STK32B: variants seen among roughly 807,000 people sequenced by gnomAD.
STK32B encodes serine/threonine kinase 32B.
STK32B carries 43 observed loss-of-function variants against 52.6 expected under a neutral mutation model. The ratio of observed to expected loss-of-function variants is 0.82; its 90% CI spans 0.64 to 1.05. STK32B has a LOEUF of 1.05. STK32B is among the 50% of genes least tolerant of loss of function. STK32B has a pLI of 0.00. For missense variants in STK32B, 621 were observed against 534.6 expected, an observed-to-expected ratio of 1.16 and a Z score of -1.59; for synonymous variants, 238 against 204.3, an observed-to-expected ratio of 1.17 and a Z score of -1.41.
At position 5,107,896 on chromosome 4, in the gene STK32B, T is replaced by C. The variant is rs182112798; in HGVS notation, c.53-32009T>C. ...TGCCATCTTATTTTTTATATAAATG[T>C]TTATTAAAACGTAGCAAACACACAG... On this transcript the variant is annotated intron_variant, in intron 1 of 11. Transcript: ENST00000282908. Among the ~76,000 whole-genome samples, 7 of 152,310 alleles carry C rather than the reference T, an allele frequency of 4.6e-5. No homozygotes were observed. In the East Asian group the frequency reaches 1.3e-3, roughly 29 times the overall value.
At chr4:5,170,820 T>C (rs1251821031) in intron 3 of STK32B, among the ~76,000 whole-genome samples, 2 of 152,246 alleles carry the variant, frequency 1.3e-5, no homozygotes, top group Non-Finnish European at 2.9e-5. Context: ...TTTGGGTATA[T>C]ACCCAGTAAT....
At chr4:5,279,098 T>A (rs1728028300) in intron 3 of STK32B, among the ~76,000 whole-genome samples, 1 of 152,156 alleles carries the variant, frequency 6.6e-6, no homozygotes, top group Admixed American at 6.5e-5. Context: ...TCAAAACCAA[T>A]CATGCCTTGC....
chr4:5,459,289 C>CT (rs1231927830), intron 8 of STK32B, among the ~76,000 whole-genome samples: 1 of 149,670 alleles, frequency 6.7e-6, no homozygotes, highest in African/African-American at 2.5e-5. Context: ...TGTGCCCCCC[C>CT]CCCCCACCTT....
intron 1 of STK32B, among the ~76,000 whole-genome samples, chr4:5,109,240 A>C (rs1333059009): frequency 6.6e-6 from 1 of 152,182 alleles, no homozygotes; most frequent in Non-Finnish European, 1.5e-5. Flanking sequence ...TCTAATGAGA[A>C]AACTGACTTA....
the STK32B span, among the ~76,000 whole-genome samples, chr4:5,045,980 C>T: frequency 2.0e-5 from 3 of 152,120 alleles, no homozygotes; most frequent in African/African-American, 7.2e-5. Context: ...ATCAAACTAC[C>T]ATTAACATTC....
At chr4:5,248,576 C>G (rs1725637599) in intron 3 of STK32B, among the ~76,000 whole-genome samples, 1 of 152,126 alleles carries the variant, frequency 6.6e-6, no homozygotes, top group Non-Finnish European at 1.5e-5. Context: ...AATATTATTG[C>G]TGGACTACTA....
At chr4:5,197,777 T>C (rs1413877279) in intron 3 of STK32B, among the ~76,000 whole-genome samples, 1 of 152,246 alleles carries the variant, frequency 6.6e-6, no homozygotes, top group Non-Finnish European at 1.5e-5. Flanking sequence ...TTGGAAGTGA[T>C]TTTGAATTTT....
At chr4:5,300,063 C>T (rs557006867) in intron 3 of STK32B, among the ~76,000 whole-genome samples, 7 of 152,104 alleles carry the variant, frequency 4.6e-5, no homozygotes, top group Admixed American at 1.3e-4. Flanking sequence ...AAACCATATC[C>T]GGCAGCACAT....
intron 3 of STK32B, among the ~76,000 whole-genome samples, chr4:5,235,263 C>T (rs1233735399): frequency 2.0e-5 from 3 of 152,174 alleles, no homozygotes; most frequent in African/African-American, 7.2e-5. Context: ...CATGTGTGCA[C>T]ACAGCAGGCA....
At position 5,062,265 on chromosome 4, in the gene STK32B, T is replaced by C. The variant is rs556998907; in HGVS notation, c.52+10350T>C. 5.3e-5 allele frequency among the ~76,000 whole-genome samples: 8 copies of C among 152,262 alleles called. No individual in the cohort carries two copies. In the South Asian group the frequency reaches 1.7e-3, roughly 32 times the overall value. On this transcript the variant is annotated intron_variant, in intron 1 of 11. Coordinates refer to ENST00000282908, the MANE Select transcript of STK32B (RefSeq NM_018401.3). ...AACATATTCCTCAAATCACTACATC[T>C]AACTTGTCATTTTAATTAAGCAGCT...
intron 1 of STK32B, among the ~76,000 whole-genome samples, chr4:5,118,416 C>G (rs917858012): frequency 6.6e-6 from 1 of 152,190 alleles, no homozygotes. Flanking sequence ...GATACACAAA[C>G]CTTTTCTTGG....
At chr4:5,046,827 G>C (rs1227216544), upstream of STK32B, among the ~76,000 whole-genome samples, 1 of 152,194 alleles carries the variant, frequency 6.6e-6, no homozygotes, top group African/African-American at 2.4e-5. Context: ...TTATTAAAAA[G>C]TCAAGAAACA....
chr4:5,286,685 A>G (rs1728563065), intron 3 of STK32B, among the ~76,000 whole-genome samples: 1 of 151,886 alleles, frequency 6.6e-6, no homozygotes, highest in Non-Finnish European at 1.5e-5. Context: ...CTGTTAATGA[A>G]CTTTTAATCT....
intron 11 of STK32B, among the ~76,000 whole-genome samples, chr4:5,494,519 C>T (rs1396843331): frequency 6.6e-6 from 1 of 152,260 alleles, no homozygotes; most frequent in Admixed American, 6.5e-5. Context: ...TGGCTCTTGA[C>T]TCTTTATCCA....
the STK32B span, among the ~76,000 whole-genome samples, chr4:5,041,250 G>A: frequency 2.4e-4 from 37 of 152,258 alleles, no homozygotes; most frequent in Non-Finnish European, 4.7e-4. Flanking sequence ...ATATGTGCAA[G>A]CAGACAACAC....
chr4:5,084,879 A>G (rs1712631872), intron 1 of STK32B, among the ~76,000 whole-genome samples: 2 of 152,328 alleles, frequency 1.3e-5, no homozygotes, highest in South Asian at 4.1e-4. Flanking sequence ...CTTTGTAATG[A>G]TAATCTGTAG....
At chr4:5,492,236 G>T (rs541401015) in intron 11 of STK32B, among the ~76,000 whole-genome samples, 1 of 152,048 alleles carries the variant, frequency 6.6e-6, no homozygotes, top group Admixed American at 6.6e-5. Flanking sequence ...CCATTTCTTT[G>T]TATCCTCTTT....
At chr4:5,137,937 A>G (rs1420505265) in intron 1 of STK32B, among the ~76,000 whole-genome samples, 3 of 151,342 alleles carry the variant, frequency 2.0e-5, no homozygotes, top group Non-Finnish European at 4.4e-5. Flanking sequence ...GGAACCCGTG[A>G]TGTTCATTGC....
In STK32B at chr4:5,378,698, G is replaced by T. The variant is rs913967707; in HGVS notation, c.435-19509G>T. ...ACATGCAGTGTGAAATAAGCACATC[G>T]TGGAGAATGGACTCTGCATTTTAGT... On this transcript the variant is annotated intron_variant, in intron 4 of 11. Coordinates refer to ENST00000282908, the MANE Select transcript of STK32B (RefSeq NM_018401.3). The surrounding 1 kb of genome is among the most constrained non-coding windows in gnomAD (Gnocchi z 4.4). 1.3e-5 allele frequency among the ~76,000 whole-genome samples: 2 copies of T among 152,114 alleles called. No individual in the cohort carries two copies. Among genetic ancestry groups the T allele is most frequent in the Non-Finnish European group, 1.5e-5 (1 of 68,028 alleles).
Sources: allele counts gnomAD v4.1 joint callset (sites outside exome capture counted in the v4.1 genomes callset), GRCh38; gene constraint gnomAD v4.1.1; non-coding constraint Gnocchi (gnomAD v3.1); transcripts MANE v1.5; gene names NCBI Gene and HGNC (gene_info 2026-07-23, HGNC 2026-07-21).